The following DIRAS1 variants were observed in gnomAD, a reference collection of about 807,000 sequenced individuals.
DIRAS1 encodes DIRAS family GTPase 1.
Under a neutral mutation model 11.5 loss-of-function variants are expected in DIRAS1, and 3 were observed. The ratio of observed to expected loss-of-function variants is 0.26; its 90% confidence interval spans 0.12 to 0.67. The LOEUF is 0.67. DIRAS1 is among the 30% of genes least tolerant of loss of function. The pLI is 0.80. For missense variants in DIRAS1, 212 were observed against 285.3 expected, an observed-to-expected ratio of 0.74 and a Z score of 1.85; for synonymous variants, 128 against 125.8, an observed-to-expected ratio of 1.02 and a Z score of -0.12.
chr19:2,720,682 C>G (rs1197743987), intron 1 of DIRAS1, among the ~76,000 whole-genome samples: 1 of 152,078 alleles, frequency 6.6e-6, no homozygotes, highest in African/African-American at 2.4e-5. Context: ...GGTGTCAAAG[C>G]AAAGCTCAGG....
Position 2,717,149 on chromosome 19 carries a change from G to C in DIRAS1, c.*61C>G. 1 of 1,491,618 alleles carries C rather than the reference G, an allele frequency of 6.7e-7. No homozygotes were observed. The highest frequency in any genetic ancestry group is 9.0e-7 in the Non-Finnish European group (1 of 1,109,586). The allele number at this position is 1,491,618 out of a possible 1,614,324, so 92.4% of individuals were successfully genotyped here. On this transcript the variant is annotated 3_prime_UTR_variant, in exon 2 of 2. Transcript: ENST00000323469. ...GAGGAGGAGGCCGAGGAGGGTGTCG[G>C]TGTTGGGGGAGGCAGCGGGGGTCAG...
Position 2,717,378 on chromosome 19 carries a change from C to G in DIRAS1, c.429G>C (p.Lys143Asn). The change falls in exon 2 of 2, where the codon AAG becomes AAC. Residue 143 changes from lysine to asparagine, a missense_variant. Lys to Asn is a moderately conservative substitution (Grantham distance 94). Coordinates refer to ENST00000323469, the MANE Select transcript of DIRAS1 (RefSeq NM_145173.4). ...REAQAVAQEW[K>N]CAFMETSAKM... ...TGGCCGAGGTCTCCATGAAAGCGCA[C>G]TTCCACTCCTGGGCCACCGCCTGCG... The G allele has an allele frequency of 1.2e-6, 2 of 1,608,812 alleles. No homozygotes were observed. The highest frequency in any genetic ancestry group is 2.2e-5 in the South Asian group (2 of 91,090).
Position 2,715,955 on chromosome 19 carries a change from C to A in DIRAS1, c.*1255G>T, listed in dbSNP as rs1484094964. The A allele has an allele frequency of 6.6e-6, 1 of 152,292 alleles. No homozygotes were observed. The highest frequency in any genetic ancestry group is 1.9e-4 in the East Asian group (1 of 5,204). 9.4% of individuals were successfully genotyped at this position (152,292 alleles called of 1,614,324 possible). A position where few individuals can be genotyped will look rare whatever the true frequency, so the allele number is the denominator to read the frequency against. On this transcript the variant is annotated 3_prime_UTR_variant, in exon 2 of 2. Transcript: ENST00000323469. Reference sequence around the variant, plus strand: ...CTACAACTACCCACCTCTCTGTATACCCTACACCACTATTACACACACAGA... The same window carrying A: ...CTACAACTACCCACCTCTCTGTATAACCTACACCACTATTACACACACAGA...
At chr19:2,720,054 C>A (rs1012945815) in intron 1 of DIRAS1, among the ~76,000 whole-genome samples, 2 of 152,136 alleles carry the variant, frequency 1.3e-5, no homozygotes, top group African/African-American at 4.8e-5. Context: ...CTCGGCAATG[C>A]CAACTCATGT....
chr19:2,717,115 A>C lies in DIRAS1; in HGVS notation c.*95T>G. The C allele has an allele frequency of 7.8e-7, 1 of 1,277,708 alleles. No homozygotes were observed. The highest frequency in any genetic ancestry group is 1.1e-6 in the Non-Finnish European group (1 of 940,992). The allele number at this position is 1,277,708 out of a possible 1,614,324, so 79.1% of individuals were successfully genotyped here. A position where few individuals can be genotyped will look rare whatever the true frequency, so the allele number is the denominator to read the frequency against. ...CCCCAGCCGAGGTGTCGGAGGAAGG[A>C]TGAGAGAAGAGGAGGAGGCCGAGGA... On this transcript the variant is annotated 3_prime_UTR_variant, in exon 2 of 2. Coordinates refer to ENST00000323469, the MANE Select transcript of DIRAS1 (RefSeq NM_145173.4).
At chr19:2,719,231 C>G (rs1913897566) in intron 1 of DIRAS1, 1 of 152,152 alleles carries the variant, frequency 6.6e-6, no homozygotes, top group African/African-American at 2.4e-5. Flanking sequence ...AATAGCCGCC[C>G]CAGGGAGGAA....
chr19:2,717,934 C>T (rs1159830379), intron 1 of DIRAS1, 59 bp from the exon 2 acceptor site: 5 of 988,116 alleles, frequency 5.1e-6, no homozygotes, highest in South Asian at 1.7e-5. Flanking sequence ...GACAGCCCCA[C>T]GCCCCGGGGA....
At position 2,716,988 on chromosome 19, in the gene DIRAS1, GACAGA is replaced by G. The variant is rs1202696674; in HGVS notation, c.*217_*221del. ...CCGGCTCTTGGTTTTGGAGGGTACAGACAGAACAGGAGGGTGGAGAGAGAGCAGGG... is the reference window on the plus strand; with the variant it reads ...CCGGCTCTTGGTTTTGGAGGGTACAGACAGGAGGGTGGAGAGAGAGCAGGG... On this transcript the variant is annotated 3_prime_UTR_variant, in exon 2 of 2. Transcript: ENST00000323469. 7.0e-6 allele frequency: 4 copies of G among 570,918 alleles called. No homozygotes were observed. In the African/African-American group the frequency reaches 7.5e-5, roughly 11 times the overall value. The allele number at this position is 570,918 out of a possible 1,614,324, so 35.4% of individuals were successfully genotyped here.
At chr19:2,717,939 C>G in intron 1 of DIRAS1, 64 bp from the exon 2 acceptor site, 2 of 943,534 alleles carry the variant, frequency 2.1e-6, no homozygotes, top group Non-Finnish European at 3.1e-6. Context: ...CCCCACGCCC[C>G]GGGGAGGGAG....
At chr19:2,719,594 G>A (rs1913907235) in intron 1 of DIRAS1, among the ~76,000 whole-genome samples, 1 of 151,808 alleles carries the variant, frequency 6.6e-6, no homozygotes, top group African/African-American at 2.4e-5. Flanking sequence ...GTGGGGGGTG[G>A]GGGAGGGGTG....
In DIRAS1 at chr19:2,716,190, G is replaced by A. The variant is rs1399066388; in HGVS notation, c.*1020C>T. ...AAACACCCAGAACCTCATGGCTGCA[G>A]GTACACTCGACTCCAGGACGCCACC... On this transcript the variant is annotated 3_prime_UTR_variant, in exon 2 of 2. Coordinates refer to ENST00000323469, the MANE Select transcript of DIRAS1 (RefSeq NM_145173.4). 6.6e-6 allele frequency: 1 copy of A among 152,418 alleles called. No homozygotes were observed. The highest frequency in any genetic ancestry group is 2.4e-5 in the African/African-American group (1 of 41,470). 9.4% of individuals were successfully genotyped at this position (152,418 alleles called of 1,614,324 possible).
At chr19:2,721,071 C>T (rs1913943222) in intron 1 of DIRAS1, among the ~76,000 whole-genome samples, 3 of 142,540 alleles carry the variant, frequency 2.1e-5, no homozygotes, top group Admixed American at 1.4e-4. Context: ...GGGGCGCCCT[C>T]CGGGTGGGGG....
rs990660444 is a variant in DIRAS1 at position 2,718,296 on chromosome 19, C to T, written c.-69-421G>A. ...CTCCACACCTGCCTGGCTCTGAGAC[C>T]TTGCCGAGCCATCATGCCACCCTGA... On this transcript the variant is annotated intron_variant, in intron 1 of 1. Coordinates refer to ENST00000323469, the MANE Select transcript of DIRAS1 (RefSeq NM_145173.4). This position sits in a 1 kb window ranked among gnomAD's most constrained non-coding sequence, Gnocchi z 4.2. 1.3e-5 allele frequency among the ~76,000 whole-genome samples: 2 copies of T among 152,168 alleles called. No individual in the cohort carries two copies. The highest frequency in any genetic ancestry group is 2.4e-5 in the African/African-American group (1 of 41,428).
At position 2,717,384 on chromosome 19, in the gene DIRAS1, C is replaced by T. The variant is rs748785085; in HGVS notation, c.423G>A (p.Glu141=). 3.7e-6 allele frequency: 6 copies of T among 1,608,538 alleles called. No homozygotes were observed. In the South Asian group the frequency reaches 4.4e-5, roughly 12 times the overall value. ...DTREAQAVAQ[E]WKCAFMETSA... The stretch of plus-strand genomic sequence containing the variant: ...AGGTCTCCATGAAAGCGCACTTCCA[C>T]TCCTGGGCCACCGCCTGCGCCTCGC... Residue 141 remains glutamate, a synonymous_variant, in exon 2 of 2, where the codon GAG becomes GAA. Transcript: ENST00000323469.
Position 2,714,619 on chromosome 19 carries a change from C to T in DIRAS1, c.*2591G>A, listed in dbSNP as rs750627568. On this transcript the variant is annotated 3_prime_UTR_variant, in exon 2 of 2. Transcript: ENST00000323469. ...TATTGCAGGAAGACTATGTCTAGAG[C>T]GAAGGCTACACAGACCCCACGATGG... is the stretch of plus-strand genomic sequence containing the variant. The T allele has an allele frequency of 3.8e-4, 58 of 152,730 alleles. No individual in the cohort carries two copies. The highest frequency in any genetic ancestry group is 7.2e-4 in the Non-Finnish European group (49 of 68,156). 9.5% of individuals were successfully genotyped at this position (152,730 alleles called of 1,614,324 possible).
At chr19:2,720,224 G>T (rs781497657) in intron 1 of DIRAS1, among the ~76,000 whole-genome samples, 86 of 152,170 alleles carry the variant, frequency 5.7e-4, no homozygotes, top group Non-Finnish European at 1.1e-3. Context: ...GCAGAAAGAC[G>T]CCACCAAGAC....
intron 1 of DIRAS1, among the ~76,000 whole-genome samples, chr19:2,719,346 T>G (rs916164306): frequency 6.6e-6 from 1 of 152,162 alleles, no homozygotes; most frequent in African/African-American, 2.4e-5. Flanking sequence ...TGGTGTGCCC[T>G]AGCCCCTCCC....
At position 2,717,886 on chromosome 19, in the gene DIRAS1, A is replaced by G; in HGVS notation, c.-69-11T>C. Reference sequence around the variant, plus strand: ...AACCCCAGACCGAGCCTGTGCAGAGAGGAGGGTCACACGTCAAAGGCCACC... The same window carrying G: ...AACCCCAGACCGAGCCTGTGCAGAGGGGAGGGTCACACGTCAAAGGCCACC... On this transcript the variant is annotated splice_polypyrimidine_tract_variant and intron_variant, in intron 1 of 1. Transcript: ENST00000323469. 7.1e-7 allele frequency: 1 copy of G among 1,415,244 alleles called. No individual in the cohort carries two copies. Among genetic ancestry groups the G allele is most frequent in the Non-Finnish European group, 9.5e-7 (1 of 1,057,770 alleles). The allele number at this position is 1,415,244 out of a possible 1,614,324, so 87.7% of individuals were successfully genotyped here.
rs1568294581 is a variant in DIRAS1 at position 2,717,169 on chromosome 19, G to GGTCA, written c.*37_*40dup. The GGTCA allele has an allele frequency of 1.3e-6, 2 of 1,532,176 alleles. No individual in the cohort carries two copies. 94.9% of individuals were successfully genotyped at this position (1,532,176 alleles called of 1,614,324 possible). A position where few individuals can be genotyped will look rare whatever the true frequency, so the allele number is the denominator to read the frequency against. On this transcript the variant is annotated 3_prime_UTR_variant, in exon 2 of 2. Coordinates refer to ENST00000323469, the MANE Select transcript of DIRAS1 (RefSeq NM_145173.4). ...TGTCGGTGTTGGGGGAGGCAGCGGGGGTCAGTGGGGGTGGGCGGCGGGCAG... is the reference window on the plus strand; with the variant it reads ...TGTCGGTGTTGGGGGAGGCAGCGGGGGTCAGTCAGTGGGGGTGGGCGGCGGGCAG...
Sources: gnomAD v4.1 joint callset for allele counts (sites outside exome capture counted in the v4.1 genomes callset) on GRCh38, gnomAD v4.1.1 for gene constraint, Gnocchi (gnomAD v3.1) non-coding constraint, MANE v1.5 for transcripts, NCBI Gene and HGNC (gene_info 2026-07-23, HGNC 2026-07-21) for gene names.